Variants in DNAJC15 observed in about 807,000 individuals in gnomAD.
DNAJC15 encodes dnaJ homolog subfamily C member 15.
In DNAJC15, 27 loss-of-function variants were observed where a neutral mutation model predicts 22.4. That is an observed-to-expected ratio of 1.20 (90% CI 0.89 to 1.66). The LOEUF (loss-of-function observed/expected upper bound fraction) is 1.66, where lower values mean the gene tolerates loss of function less well. Among genes scored for constraint, DNAJC15 ranks in the 40% most tolerant of loss-of-function variants. The probability of loss-of-function intolerance (pLI) is 0.00; values close to 1 mark genes in which losing one functional copy is unlikely to be tolerated. For synonymous variants in DNAJC15, 79 were observed against 63.2 expected (o/e 1.25, Z -1.19); for missense variants, 208 against 187.1 (o/e 1.11, Z -0.65).
rs559041242 is a variant in DNAJC15, at chr13:43,062,936, C to T, written c.109-2750C>T. ...GTTTCACCATGTTGGCCAGGCTGGT[C>T]GCAAACTCCTGACCTCAGGTAATCC... On this transcript the variant is annotated intron_variant, in intron 1 of 5. Coordinates refer to ENST00000379221, the MANE Select transcript of DNAJC15 (RefSeq NM_013238.3). 1.2e-3 allele frequency among the ~76,000 whole-genome samples: 185 copies of T among 151,956 alleles called. 2 individuals carry two copies. The highest frequency in any genetic ancestry group is 4.1e-3 in the African/African-American group (171 of 41,428).
chr13:43,076,374 A>G (rs1310225183), intron 3 of DNAJC15, among the ~76,000 whole-genome samples: 3 of 152,224 alleles, frequency 2.0e-5, no homozygotes, highest in African/African-American at 7.2e-5. Context: ...AGTATAGCTT[A>G]TATAAATGGC....
chr13:43,040,030 AGAG>A (rs2040445925), intron 1 of DNAJC15, among the ~76,000 whole-genome samples: 3 of 106,212 alleles, frequency 2.8e-5, no homozygotes, highest in Non-Finnish European at 4.0e-5. Context: ...AAAGAGAGAG[AGAG>A]AAAAAGAAAT....
intron 1 of DNAJC15, among the ~76,000 whole-genome samples, chr13:43,029,168 C>T (rs2040393651): frequency 6.6e-6 from 1 of 152,150 alleles, no homozygotes; most frequent in Non-Finnish European, 1.5e-5. Context: ...GAGTCTGTGT[C>T]TCTCTTGCTC....
chr13:43,100,668 G>A (rs1280957892), intron 5 of DNAJC15, among the ~76,000 whole-genome samples: 1 of 152,110 alleles, frequency 6.6e-6, no homozygotes, highest in Non-Finnish European at 1.5e-5. Flanking sequence ...ACTTATTAAG[G>A]TTTGTTTTGT....
intron 1 of DNAJC15, among the ~76,000 whole-genome samples, chr13:43,053,101 G>A (rs894133766): frequency 6.6e-6 from 1 of 152,168 alleles, no homozygotes; most frequent in Non-Finnish European, 1.5e-5. Context: ...TGAGGATCCA[G>A]TTTCATTCTT....
intron 1 of DNAJC15, among the ~76,000 whole-genome samples, chr13:43,059,119 C>A (rs1462522942): frequency 6.6e-6 from 1 of 152,118 alleles, no homozygotes; most frequent in Non-Finnish European, 1.5e-5. Flanking sequence ...CGAGTGGGAG[C>A]TGGAAGTTAG....
intron 1 of DNAJC15, among the ~76,000 whole-genome samples, chr13:43,055,901 G>T (rs1161996240): frequency 6.6e-6 from 1 of 152,074 alleles, no homozygotes; most frequent in Non-Finnish European, 1.5e-5. Context: ...TCTTAGCACT[G>T]CTTTTGTTTT....
At chr13:43,081,815 A>G (rs909673443) in intron 4 of DNAJC15, among the ~76,000 whole-genome samples, 1 of 152,138 alleles carries the variant, frequency 6.6e-6, no homozygotes, top group Non-Finnish European at 1.5e-5. Context: ...TCAAGCTGCT[A>G]TGAAGAAATA....
intron 1 of DNAJC15, among the ~76,000 whole-genome samples, chr13:43,051,133 C>G (rs1397032767): frequency 6.6e-6 from 1 of 152,076 alleles, no homozygotes; most frequent in Non-Finnish European, 1.5e-5. Flanking sequence ...TGCCACCACA[C>G]CCAGCTAATT....
intron 4 of DNAJC15, among the ~76,000 whole-genome samples, chr13:43,081,583 C>T (rs1357953700): frequency 2.6e-5 from 4 of 151,978 alleles, no homozygotes; most frequent in East Asian, 3.9e-4. Context: ...GGACTACAGG[C>T]GCCCACCACC....
Position 43,070,164 on chromosome 13 carries a change from A to G in DNAJC15, c.234+1161A>G, listed in dbSNP as rs185501306. On this transcript the variant is annotated intron_variant, in intron 3 of 5. Transcript: ENST00000379221. ...ACAGGCTTGTGAGGCTTAGTTAGCC[A>G]TGAATAATGACAGCACCAAAGGATG... Among the ~76,000 whole-genome samples the G allele has an allele frequency of 4.8e-3, 738 of 152,340 alleles. 4 individuals are homozygous for G. The highest frequency in any genetic ancestry group is 6.0e-3 in the Non-Finnish European group (409 of 68,038).
intron 5 of DNAJC15, among the ~76,000 whole-genome samples, chr13:43,093,525 C>G (rs1232560602): frequency 6.6e-6 from 1 of 152,234 alleles, no homozygotes; most frequent in East Asian, 1.9e-4. Flanking sequence ...GTCCTCTTAC[C>G]CTAGCCTCTC....
chr13:43,093,146 C>T (rs2040723324), intron 5 of DNAJC15, among the ~76,000 whole-genome samples: 2 of 152,090 alleles, frequency 1.3e-5, no homozygotes, highest in South Asian at 4.1e-4. Flanking sequence ...TTTATGAAAT[C>T]CAATTCTCTG....
At chr13:43,023,841 C>G (rs2281778) in intron 1 of DNAJC15, 107 bp downstream of exon 1, 225,685 of 1,061,602 alleles carry the variant, frequency 0.21, 25,093 homozygotes, top group Non-Finnish European at 0.23. Context: ...CGCATTCGCT[C>G]ACGGTCTGTG....
At chr13:43,094,549 C>T (rs989177898) in intron 5 of DNAJC15, among the ~76,000 whole-genome samples, 7 of 152,286 alleles carry the variant, frequency 4.6e-5, no homozygotes, top group African/African-American at 1.4e-4. Context: ...GATCTCTAAT[C>T]GCAGTCTCCT....
chr13:43,064,667 A>G (rs1339047512), intron 1 of DNAJC15, among the ~76,000 whole-genome samples: 1 of 152,338 alleles, frequency 6.6e-6, no homozygotes, highest in East Asian at 1.9e-4. Context: ...GTATTAATAA[A>G]TAAAGGCAAT....
At chr13:43,104,753 G>A (rs2040788192) in intron 5 of DNAJC15, among the ~76,000 whole-genome samples, 2 of 150,154 alleles carry the variant, frequency 1.3e-5, no homozygotes, top group South Asian at 4.2e-4. Context: ...GCAGTGGTGC[G>A]ATCAAGACTC....
rs2040545790 is a variant in DNAJC15, at chr13:43,059,258, A to G, written c.109-6428A>G. Among the ~76,000 whole-genome samples, 3 of 152,172 alleles carry G rather than the reference A, an allele frequency of 2.0e-5. No individual in the cohort carries two copies. The South Asian group carries it at 6.2e-4, about 31-fold the overall frequency. On this transcript the variant is annotated intron_variant, in intron 1 of 5. Transcript: ENST00000379221. ...TTTATTATTAAAAACTCAAGTTTTT[A>G]TTACATTATTATTGAATGAAAAAGT...
At chr13:43,042,283 G>C in intron 1 of DNAJC15, among the ~76,000 whole-genome samples, 1 of 152,148 alleles carries the variant, frequency 6.6e-6, no homozygotes, top group East Asian at 1.9e-4. Context: ...AATAACTATA[G>C]TTGTAATAAA....
Sources: allele counts gnomAD v4.1 joint callset (sites outside exome capture counted in the v4.1 genomes callset), GRCh38; gene constraint gnomAD v4.1.1; transcripts MANE v1.5; gene names NCBI Gene and HGNC (gene_info 2026-07-23, HGNC 2026-07-21).